Variants in ARID4A observed in about 807,000 individuals in gnomAD.
ARID4A encodes AT-rich interaction domain 4A, also known as AT-rich interactive domain-containing protein 4A.
In ARID4A, 39 loss-of-function variants were observed where a neutral mutation model predicts 148.6. The ratio of observed to expected loss-of-function variants is 0.26; its 90% confidence interval spans 0.20 to 0.34. The LOEUF is 0.34. Among genes scored for constraint, ARID4A ranks in the 10% least tolerant of loss-of-function variants. ARID4A has a pLI of 1.00. For synonymous variants in ARID4A, 475 were observed against 481.2 expected (o/e 0.99, Z 0.17); for missense variants, 1,265 against 1,449.1 (o/e 0.87, Z 2.06).
chr14:58,363,526 C>G (rs1377246831), intron 19 of ARID4A, among the ~76,000 whole-genome samples: 1 of 151,980 alleles, frequency 6.6e-6, no homozygotes, highest in Admixed American at 6.6e-5. Context: ...ATAGCAAAAC[C>G]CCATCTCTAC....
chr14:58,309,589 C>A (rs2031866822), intron 5 of ARID4A, among the ~76,000 whole-genome samples: 1 of 152,156 alleles, frequency 6.6e-6, no homozygotes. Flanking sequence ...CTGGTAAATA[C>A]AACTGTCAGT....
At position 58,365,052 on chromosome 14, in the gene ARID4A, T is replaced by C. The variant is rs760779543; in HGVS notation, c.2963T>C (p.Leu988Pro). ...GTTGAAAGCTCTGAGTCTAACTCTC[T>C]TGTTTCTATTCCACCTGCCCTACCT... ...VAVESSESNSLVSIPPALPPV... is the reference protein window; with the variant it reads ...VAVESSESNSPVSIPPALPPV... The change falls in exon 20 of 24, where the codon CTT becomes CCT. Residue 988 changes from leucine to proline, a missense_variant. This residue lies in a region of ARID4A where 666 missense variants were observed against 730.9 expected (regional missense o/e 0.91). Transcript: ENST00000355431. The C allele has an allele frequency of 2.5e-6, 4 of 1,614,072 alleles. No homozygotes were observed. In the East Asian group the frequency reaches 6.7e-5, roughly 27 times the overall value.
chr14:58,326,585 T>C (rs1267927004), intron 8 of ARID4A, among the ~76,000 whole-genome samples: 1 of 152,222 alleles, frequency 6.6e-6, no homozygotes, highest in Admixed American at 6.5e-5. Context: ...TAAAAGTTCA[T>C]CTAAAGAATT....
At chr14:58,365,392 C>A (rs1316823977) in intron 20 of ARID4A, 92 bp downstream of exon 20, 2 of 1,423,166 alleles carry the variant, frequency 1.4e-6, no homozygotes, top group Non-Finnish European at 1.9e-6. Flanking sequence ...AAAGTACTTT[C>A]TTTTTCTTTT....
intron 11 of ARID4A, among the ~76,000 whole-genome samples, chr14:58,344,275 T>C (rs779115293): frequency 6.6e-6 from 1 of 152,178 alleles, no homozygotes; most frequent in Non-Finnish European, 1.5e-5. Context: ...AAACTATGTT[T>C]ATATGAAAAT....
intron 11 of ARID4A, chr14:58,331,341 A>G (rs900867420): frequency 1.3e-5 from 2 of 152,178 alleles, no homozygotes; most frequent in East Asian, 1.9e-4. Context: ...CCTTTCATGT[A>G]ATGTCTGATT....
intron 5 of ARID4A, among the ~76,000 whole-genome samples, chr14:58,307,993 G>T (rs1383478416): frequency 1.4e-5 from 1 of 71,196 alleles, no homozygotes; most frequent in African/African-American, 6.7e-5. Context: ...CACTATAAAG[G>T]TTGTACTCAC....
At chr14:58,302,189 C>G (rs1412285018) in intron 3 of ARID4A, among the ~76,000 whole-genome samples, 1 of 151,950 alleles carries the variant, frequency 6.6e-6, no homozygotes, top group Non-Finnish European at 1.5e-5. Context: ...GAAACCCTGT[C>G]TCTACTAAAA....
At chr14:58,302,221 C>G (rs967786773) in intron 3 of ARID4A, among the ~76,000 whole-genome samples, 1 of 151,420 alleles carries the variant, frequency 6.6e-6, no homozygotes, top group Non-Finnish European at 1.5e-5. Context: ...AGACCCGGCG[C>G]GGTGACTCAC....
At chr14:58,303,840 C>A in intron 3 of ARID4A, 1 of 187,694 alleles carries the variant, frequency 5.3e-6, no homozygotes, top group Non-Finnish European at 1.1e-5. Flanking sequence ...TCAGGTTGGG[C>A]ACGGTGGGTC....
rs1344364505 is a variant in ARID4A at position 58,373,349 on chromosome 14, AAG to A, written c.*1361_*1362del. On this transcript the variant is annotated 3_prime_UTR_variant, in exon 24 of 24. Transcript: ENST00000355431. ...CAGTTTTGCATATACATTATGTAAA[AAG>A]GTGATTTTATAAAAGCAGTTTTTAA... 1 of 187,380 alleles carries A rather than the reference AAG, an allele frequency of 5.3e-6. No individual in the cohort carries two copies. Among genetic ancestry groups the A allele is most frequent in the Non-Finnish European group, 1.1e-5 (1 of 88,670 alleles). 11.6% of individuals were successfully genotyped at this position (187,380 alleles called of 1,614,324 possible). A position where few individuals can be genotyped will look rare whatever the true frequency, so the allele number is the denominator to read the frequency against.
chr14:58,324,231 C>T (rs1048142264), intron 8 of ARID4A, among the ~76,000 whole-genome samples: 6 of 152,088 alleles, frequency 3.9e-5, no homozygotes, highest in African/African-American at 1.2e-4. Context: ...TCTTTCTTTA[C>T]TGTTAATTCA....
chr14:58,306,081 C>G lies in ARID4A; in HGVS notation c.243C>G (p.Ser81Arg). Reference protein sequence around the residue: ...SDGSFQEAIISKLTDASWYTV... With the variant: ...SDGSFQEAIIRKLTDASWYTV... ...GATCTTTTCAGGAAGCTATTATCAG[C>G]AAGTTGACAGATGCTAGTTGGTATA... Residue 81 changes from serine (S) to arginine (R), a missense_variant, in exon 5 of 24, where the codon AGC becomes AGG. Ser to Arg is a moderately radical substitution (Grantham distance 110). Around this residue, in one of 9 missense-constraint regions of ARID4A, gnomAD observed 59 missense variants for 49.8 expected, o/e 1.18. Transcript: ENST00000355431. 6.2e-7 allele frequency: 1 copy of G among 1,613,424 alleles called. No individual in the cohort carries two copies. Among genetic ancestry groups the G allele is most frequent in the Non-Finnish European group, 8.5e-7 (1 of 1,179,638 alleles).
At chr14:58,342,189 C>T (rs2076328005) in intron 11 of ARID4A, among the ~76,000 whole-genome samples, 1 of 152,160 alleles carries the variant, frequency 6.6e-6, no homozygotes, top group Non-Finnish European at 1.5e-5. Flanking sequence ...AAGAGATAAG[C>T]AATTTTAATT....
intron 17 of ARID4A, among the ~76,000 whole-genome samples, chr14:58,358,345 G>A (rs988472638): frequency 2.0e-5 from 3 of 152,038 alleles, no homozygotes; most frequent in African/African-American, 4.8e-5. Flanking sequence ...GCAGGCACCT[G>A]TAATCCCAGA....
At chr14:58,342,762 A>G (rs2034174934) in intron 11 of ARID4A, among the ~76,000 whole-genome samples, 1 of 152,118 alleles carries the variant, frequency 6.6e-6, no homozygotes, top group African/African-American at 2.4e-5. Context: ...AAAATACAAA[A>G]ATTAGCCAGG....
In ARID4A at chr14:58,364,660, G is replaced by A. The variant is rs758921109; in HGVS notation, c.2571G>A (p.Arg857=). Residue 857 remains arginine (R), a synonymous_variant, in exon 20 of 24, where the codon CGG becomes CGA. Transcript: ENST00000355431. ...DQCVKEKKLK[R]KILGQSSPEK... ...GTGTGAAAGAAAAGAAGTTGAAACG[G>A]AAAATACTAGGACAATCATCGCCAG... The A allele has an allele frequency of 8.1e-6, 13 of 1,613,878 alleles. No individual in the cohort carries two copies. In the South Asian group the frequency reaches 1.4e-4, roughly 18 times the overall value.
chr14:58,303,242 A>G (rs551097209), intron 3 of ARID4A, among the ~76,000 whole-genome samples: 1 of 152,298 alleles, frequency 6.6e-6, no homozygotes, highest in Non-Finnish European at 1.5e-5. Flanking sequence ...TGGTGATTAA[A>G]TCAAGATAAT....
intron 12 of ARID4A, among the ~76,000 whole-genome samples, chr14:58,346,030 C>G (rs1013501922): frequency 6.6e-6 from 1 of 151,736 alleles, no homozygotes; most frequent in African/African-American, 2.4e-5. Flanking sequence ...GCCACTGCAC[C>G]CAGCCCTATG....
Sources: allele counts gnomAD v4.1 joint callset (sites outside exome capture counted in the v4.1 genomes callset), GRCh38; gene constraint gnomAD v4.1.1; regional missense constraint gnomAD v4.1.1; transcripts MANE v1.5; gene names NCBI Gene and HGNC (gene_info 2026-07-23, HGNC 2026-07-21).